The following RARB variants were observed in gnomAD, a reference collection of about 807,000 sequenced individuals.
RARB encodes the protein retinoic acid receptor beta.
RARB carries 17 observed loss-of-function variants against 51.9 expected under a neutral mutation model. The observed-to-expected ratio is 0.33, with a 90% CI of 0.22 to 0.49. RARB has a LOEUF of 0.49. Ranked by LOEUF, RARB falls within the 20% of genes least tolerant of loss-of-function variation. The pLI is 0.99. For missense variants in RARB, 369 were observed against 550.8 expected (o/e 0.67, Z 3.30); for synonymous variants, 215 against 195.4 (o/e 1.10, Z -0.84).
intron 5 of RARB, among the ~76,000 whole-genome samples, chr3:25,230,090 A>C (rs1702141819): frequency 6.6e-6 from 1 of 152,168 alleles, no homozygotes; most frequent in Non-Finnish European, 1.5e-5. Context: ...GTTTTAGCCT[A>C]GGAAGTTCTG....
chr3:24,866,470 A>G (rs1223607677), intron 2 of RARB, among the ~76,000 whole-genome samples: 1 of 152,092 alleles, frequency 6.6e-6, no homozygotes, highest in Non-Finnish European at 1.5e-5. Context: ...GTCTTTTCTC[A>G]TGTACCCATG....
chr3:24,919,095 T>C (rs1224454760), intron 2 of RARB, among the ~76,000 whole-genome samples: 1 of 152,172 alleles, frequency 6.6e-6, no homozygotes, highest in African/African-American at 2.4e-5. Context: ...ATAGTAATTT[T>C]AACAAAATTG....
At chr3:25,038,202 G>A (rs1698038194) in intron 2 of RARB, among the ~76,000 whole-genome samples, 1 of 152,146 alleles carries the variant, frequency 6.6e-6, no homozygotes, top group Non-Finnish European at 1.5e-5. Context: ...TTTTTGTGAT[G>A]AAGGAATTTG....
chr3:24,978,163 T>C (rs963390921), intron 2 of RARB, among the ~76,000 whole-genome samples: 32 of 152,224 alleles, frequency 2.1e-4, no homozygotes, highest in African/African-American at 6.5e-4. Flanking sequence ...CAGTATTTTA[T>C]TGAGGATTTT....
chr3:25,079,927 G>A (rs1320053622), intron 3 of RARB, among the ~76,000 whole-genome samples: 1 of 152,124 alleles, frequency 6.6e-6, no homozygotes, highest in Non-Finnish European at 1.5e-5. Context: ...GAAAGAGTGT[G>A]TATAAACTTG....
chr3:24,979,256 T>A (rs1476149299), intron 2 of RARB, among the ~76,000 whole-genome samples: 1 of 152,226 alleles, frequency 6.6e-6, no homozygotes, highest in Non-Finnish European at 1.5e-5. Flanking sequence ...GTTCTGTAGA[T>A]GTCTATTAGG....
chr3:25,153,154 G>GTGTC (rs1449327275), intron 4 of RARB, among the ~76,000 whole-genome samples: 1 of 151,998 alleles, frequency 6.6e-6, no homozygotes, highest in Admixed American at 6.6e-5. Context: ...GTGTGTGTGT[G>GTGTC]TGTGTGCATG....
chr3:25,342,620 T>C (rs965142658), intron 5 of RARB, among the ~76,000 whole-genome samples: 2 of 152,254 alleles, frequency 1.3e-5, no homozygotes, highest in Non-Finnish European at 2.9e-5. Flanking sequence ...AAACTGCCTA[T>C]GCCTGCACTA....
chr3:25,430,761 A>T (rs755165850), intron 1 of RARB, among the ~76,000 whole-genome samples: 9 of 152,226 alleles, frequency 5.9e-5, no homozygotes, highest in Non-Finnish European at 1.2e-4. Flanking sequence ...GCATTTGACA[A>T]AGGGATTTCA....
At chr3:25,357,377 ATTTG>A (rs202057378) in intron 5 of RARB, among the ~76,000 whole-genome samples, 4,069 of 152,136 alleles carry the variant, frequency 0.027, 164 homozygotes, top group African/African-American at 0.092. Flanking sequence ...TTTCTTGTAA[ATTTG>A]TTTAAGTTCC....
intron 5 of RARB, among the ~76,000 whole-genome samples, chr3:25,377,607 C>T (rs938508799): frequency 2.0e-5 from 3 of 152,074 alleles, no homozygotes; most frequent in Non-Finnish European, 4.4e-5. Flanking sequence ...TTAATGATAA[C>T]TGAAAATCTC....
At chr3:25,480,563 T>C (rs1696176191) in intron 2 of RARB, among the ~76,000 whole-genome samples, 1 of 152,218 alleles carries the variant, frequency 6.6e-6, no homozygotes, top group African/African-American at 2.4e-5. Flanking sequence ...ATGGCAAGGA[T>C]GCATTTTGGT....
At chr3:25,306,338 A>G (rs912306895) in intron 5 of RARB, among the ~76,000 whole-genome samples, 1 of 152,164 alleles carries the variant, frequency 6.6e-6, no homozygotes, top group African/African-American at 2.4e-5. Flanking sequence ...CAATCCGATA[A>G]TGTGAATGGA....
intron 2 of RARB, among the ~76,000 whole-genome samples, chr3:25,053,253 C>A (rs76001385): frequency 2.6e-5 from 4 of 152,104 alleles, no homozygotes; most frequent in Non-Finnish European, 5.9e-5. Flanking sequence ...CATACAATCA[C>A]ATTAAACAAC....
At chr3:24,914,116 T>C (rs928283285) in intron 2 of RARB, among the ~76,000 whole-genome samples, 3 of 152,316 alleles carry the variant, frequency 2.0e-5, no homozygotes, top group South Asian at 2.1e-4. Context: ...GGATCACAGA[T>C]GGAAAATCTC....
At chr3:25,388,168 A>G (rs17523903) in intron 5 of RARB, among the ~76,000 whole-genome samples, 22,935 of 152,188 alleles carry the variant, frequency 0.15, 2,189 homozygotes, top group Admixed American at 0.29. Flanking sequence ...GCTGATGTTC[A>G]AAAGTATTGC....
At chr3:25,528,440 C>G (rs562305591) in intron 3 of RARB, among the ~76,000 whole-genome samples, 132 of 152,088 alleles carry the variant, frequency 8.7e-4, no homozygotes, top group African/African-American at 3.0e-3. Context: ...AGCATGGGCC[C>G]CATGCTGTGT....
intron 5 of RARB, among the ~76,000 whole-genome samples, chr3:25,243,260 A>G (rs1702475597): frequency 6.6e-6 from 1 of 152,178 alleles, no homozygotes; most frequent in Admixed American, 6.5e-5. Context: ...GAAAACAGAG[A>G]TAATTTGACT....
chr3:24,886,282 G>A (rs1703264331), intron 2 of RARB, among the ~76,000 whole-genome samples: 1 of 152,088 alleles, frequency 6.6e-6, no homozygotes, highest in South Asian at 2.1e-4. Flanking sequence ...CCTTGATGCA[G>A]GGGCTGATTC....
Sources: allele counts gnomAD v4.1 joint callset (sites outside exome capture counted in the v4.1 genomes callset), GRCh38; gene constraint gnomAD v4.1.1; transcripts MANE v1.5; gene names NCBI Gene and HGNC (gene_info 2026-07-23, HGNC 2026-07-21).